The following CKMT2 variants were observed in gnomAD, a reference collection of about 807,000 sequenced individuals.
CKMT2 encodes the protein creatine kinase S-type, mitochondrial.
Under a neutral mutation model 48.9 loss-of-function variants are expected in CKMT2, and 43 were observed. The observed-to-expected ratio is 0.88, with a 90% CI of 0.69 to 1.13. The LOEUF (loss-of-function observed/expected upper bound fraction) is 1.13, where lower values mean the gene tolerates loss of function less well. Ranked by LOEUF, CKMT2 falls within the 50% of genes most tolerant of loss-of-function variation. The probability of loss-of-function intolerance (pLI) is 0.00; values close to 1 mark genes in which losing one functional copy is unlikely to be tolerated. For synonymous variants in CKMT2, 206 were observed against 213.0 expected, an observed-to-expected ratio of 0.97 and a Z score of 0.29; for missense variants, 472 against 555.4, an observed-to-expected ratio of 0.85 and a Z score of 1.51.
At chr5:81,245,727 C>T (rs35646117) in intron 1 of CKMT2, among the ~76,000 whole-genome samples, 10,439 of 152,126 alleles carry the variant, frequency 0.069, 441 homozygotes, top group Admixed American at 0.099. Context: ...AAAGCTGAGA[C>T]GGGGCAGCAG....
chr5:81,256,811 GACAGC>G (rs1554046467), intron 5 of CKMT2, 99 bp from the exon 6 acceptor site: 1 of 752,922 alleles, frequency 1.3e-6, no homozygotes, highest in Non-Finnish European at 2.2e-6. Flanking sequence ...CTGCCTAAGA[GACAGC>G]AGCCATGATA....
intron 5 of CKMT2, among the ~76,000 whole-genome samples, 162 bp downstream of exon 5, chr5:81,255,376 G>A (rs1756969425): frequency 6.6e-6 from 1 of 152,210 alleles, no homozygotes; most frequent in Non-Finnish European, 1.5e-5. Flanking sequence ...TCAGTGTAAG[G>A]AAGAAAGACG....
At chr5:81,238,993 T>G (rs1321216901) in intron 1 of CKMT2, 1 of 152,274 alleles carries the variant, frequency 6.6e-6, no homozygotes, top group African/African-American at 2.4e-5. Flanking sequence ...GTTGAGCAGA[T>G]GGAGGGATGG....
chr5:81,255,850 T>C (rs1756991316), intron 5 of CKMT2, among the ~76,000 whole-genome samples: 1 of 151,914 alleles, frequency 6.6e-6, no homozygotes, highest in Non-Finnish European at 1.5e-5. Flanking sequence ...AAACAAAATT[T>C]TGTCATTTCA....
At chr5:81,262,769 G>T (rs574009575) in intron 8 of CKMT2, among the ~76,000 whole-genome samples, 8 of 152,188 alleles carry the variant, frequency 5.3e-5, no homozygotes, top group Non-Finnish European at 1.0e-4. Context: ...AGACAGTGTG[G>T]CAATTCCTCA....
At chr5:81,251,057 G>A in intron 1 of CKMT2, 56 bp from the exon 2 acceptor site, 1 of 1,419,768 alleles carries the variant, frequency 7.0e-7, no homozygotes, top group Non-Finnish European at 9.7e-7. Flanking sequence ...TGACCCCTAT[G>A]TTGTGGCTCA....
chr5:81,251,403 T>C (rs1756809757), intron 2 of CKMT2, 119 bp downstream of exon 2: 2 of 1,020,932 alleles, frequency 2.0e-6, no homozygotes, highest in Middle Eastern at 3.4e-4. Flanking sequence ...CTGGCCAACA[T>C]GGTGAAACCC....
At chr5:81,234,076 T>C (rs924235890) in intron 1 of CKMT2, among the ~76,000 whole-genome samples, 49 of 141,550 alleles carry the variant, frequency 3.5e-4, no homozygotes, top group African/African-American at 1.2e-3. Context: ...GTGTTTCACC[T>C]GGGCAGAGGC....
At chr5:81,236,640 C>T (rs1288427951) in intron 1 of CKMT2, among the ~76,000 whole-genome samples, 1 of 152,134 alleles carries the variant, frequency 6.6e-6, no homozygotes, top group African/African-American at 2.4e-5. Flanking sequence ...AACACTCAAG[C>T]AAAGGCTCAG....
chr5:81,244,229 T>A, intron 1 of CKMT2: 1 of 979,026 alleles, frequency 1.0e-6, no homozygotes. Context: ...CTGTAATGCA[T>A]CATGGCTCAT....
chr5:81,246,020 T>C (rs775279583), intron 1 of CKMT2, among the ~76,000 whole-genome samples: 1 of 151,988 alleles, frequency 6.6e-6, no homozygotes, highest in African/African-American at 2.4e-5. Flanking sequence ...ACATTCTCTC[T>C]CATCCTCGCT....
chr5:81,254,901 G>A (rs1756943857), intron 4 of CKMT2, 92 bp from the exon 5 acceptor site: 1 of 1,061,280 alleles, frequency 9.4e-7, no homozygotes, highest in African/African-American at 1.6e-5. Context: ...GGGTCCCCAG[G>A]GAAACTGCAG....
At chr5:81,243,598 T>C (rs1756508691) in intron 1 of CKMT2, among the ~76,000 whole-genome samples, 1 of 152,174 alleles carries the variant, frequency 6.6e-6, no homozygotes, top group African/African-American at 2.4e-5. Flanking sequence ...GAGCTGAATG[T>C]GAGGCTAGCT....
chr5:81,256,900 C>T lies in CKMT2; in HGVS notation c.670-15C>T, dbSNP rs1194673565. ...ATCAGTCTCTCCTCTCTGCTTTATC[C>T]CTTTTGGCCTACAGGACCACTTTCT... On this transcript the variant is annotated splice_polypyrimidine_tract_variant and intron_variant, in intron 5 of 9. Transcript: ENST00000254035. 2.5e-6 allele frequency: 4 copies of T among 1,598,314 alleles called. No homozygotes were observed. The highest frequency in any genetic ancestry group is 3.4e-6 in the Non-Finnish European group (4 of 1,166,922).
At chr5:81,249,457 A>G (rs1488893296) in intron 1 of CKMT2, among the ~76,000 whole-genome samples, 2 of 152,198 alleles carry the variant, frequency 1.3e-5, no homozygotes, top group Non-Finnish European at 2.9e-5. Context: ...CTCTACTCAA[A>G]GAGCCACATT....
At chr5:81,251,311 C>T in intron 2 of CKMT2, 27 bp downstream of exon 2, 1 of 1,611,616 alleles carries the variant, frequency 6.2e-7, no homozygotes, top group Non-Finnish European at 8.5e-7. Context: ...TTAAAATAAC[C>T]TCAGGCCAGG....
chr5:81,242,269 T>C (rs904158920), intron 1 of CKMT2: 12 of 281,010 alleles, frequency 4.3e-5, no homozygotes, highest in African/African-American at 2.2e-4. Flanking sequence ...GTGTGTCACA[T>C]CATATAAGTA....
At chr5:81,260,344 G>C (rs1037494005) in intron 8 of CKMT2, among the ~76,000 whole-genome samples, 2 of 152,130 alleles carry the variant, frequency 1.3e-5, no homozygotes, top group African/African-American at 4.8e-5. Flanking sequence ...TCAAAAGCTA[G>C]CAGAAGACAA....
chr5:81,259,952 AAATCGACCCCAC>A (rs1757154320), intron 8 of CKMT2, among the ~76,000 whole-genome samples: 2 of 152,206 alleles, frequency 1.3e-5, no homozygotes, highest in African/African-American at 4.8e-5. Context: ...ACTTATTGTA[AAATCGACCCCAC>A]AATTGGAAGT....
Sources: allele counts gnomAD v4.1 joint callset (sites outside exome capture counted in the v4.1 genomes callset), GRCh38; gene constraint gnomAD v4.1.1; transcripts MANE v1.5; gene names NCBI Gene and HGNC (gene_info 2026-07-23, HGNC 2026-07-21).